PLD5: variants seen among roughly 807,000 people sequenced by gnomAD.
The protein encoded by PLD5 is phospholipase D family member 5.
PLD5 carries 36 observed loss-of-function variants against 61.1 expected under a neutral mutation model. That is an observed-to-expected ratio of 0.59 (90% confidence interval 0.45 to 0.78). PLD5 has a LOEUF of 0.78. Among genes scored for constraint, PLD5 ranks in the 30% least tolerant of loss-of-function variants. PLD5 has a pLI of 0.00. For synonymous variants in PLD5, 243 were observed against 242.8 expected, an observed-to-expected ratio of 1.00 and a Z score of -0.01; for missense variants, 515 against 644.4, an observed-to-expected ratio of 0.80 and a Z score of 2.17.
chr1:242,525,761 C>T (rs1164241680), upstream of PLD5, among the ~76,000 whole-genome samples: 2 of 152,154 alleles, frequency 1.3e-5, no homozygotes, highest in Non-Finnish European at 2.9e-5. Context: ...GTTTCAAAGA[C>T]ATTCTGGCTG....
chr1:242,421,050 C>CTAGTGGTG (rs1665111236), intron 1 of PLD5, among the ~76,000 whole-genome samples: 1 of 151,456 alleles, frequency 6.6e-6, no homozygotes, highest in African/African-American at 2.4e-5. Context: ...CGTGGTGGCA[C>CTAGTGGTG]GCGCCTGTAG....
At chr1:242,477,330 G>A (rs563214996) in intron 1 of PLD5, among the ~76,000 whole-genome samples, 86 of 152,310 alleles carry the variant, frequency 5.6e-4, no homozygotes, top group Middle Eastern at 3.4e-3. Context: ...TGTTAGCTGA[G>A]TTTTAAGAAC....
At chr1:242,513,432 G>A (rs1344363692) in intron 1 of PLD5, among the ~76,000 whole-genome samples, 9 of 152,060 alleles carry the variant, frequency 5.9e-5, no homozygotes, top group Admixed American at 5.9e-4. Context: ...GGCAGAGATA[G>A]ACAGCCAATT....
chr1:242,122,923 A>G (rs1296101159), intron 6 of PLD5, among the ~76,000 whole-genome samples: 2 of 152,260 alleles, frequency 1.3e-5, no homozygotes, highest in Non-Finnish European at 2.9e-5. Context: ...GCATAAAAGC[A>G]CCAATATCAA....
chr1:242,378,949 G>T (rs1410478941), intron 1 of PLD5, among the ~76,000 whole-genome samples: 1 of 152,122 alleles, frequency 6.6e-6, no homozygotes, highest in African/African-American at 2.4e-5. Flanking sequence ...TTCCTACTTA[G>T]GTCTCTCCCT....
intron 5 of PLD5, among the ~76,000 whole-genome samples, chr1:242,183,547 T>C: frequency 6.6e-6 from 1 of 152,208 alleles, no homozygotes; most frequent in East Asian, 1.9e-4. Context: ...CAAATTTTCT[T>C]GGATCACAGT....
At chr1:242,288,989 CAA>C (rs1236746787) in intron 2 of PLD5, among the ~76,000 whole-genome samples, 1 of 152,104 alleles carries the variant, frequency 6.6e-6, no homozygotes, top group African/African-American at 2.4e-5. Context: ...CATTGGAACT[CAA>C]TAAATGCAGT....
chr1:242,091,546 C>A (rs1294694331), intron 9 of PLD5, among the ~76,000 whole-genome samples: 1 of 152,170 alleles, frequency 6.6e-6, no homozygotes, highest in African/African-American at 2.4e-5. Flanking sequence ...TCCAGATGTC[C>A]CAATACCCAT....
At chr1:242,337,411 A>G (rs1659584302) in intron 2 of PLD5, among the ~76,000 whole-genome samples, 1 of 151,304 alleles carries the variant, frequency 6.6e-6, no homozygotes, top group African/African-American at 2.4e-5. Flanking sequence ...CGGATGGATC[A>G]TCTGAGGTCA....
rs866352812 is a variant in PLD5 at position 242,268,377 on chromosome 1, G to A, written c.496-2929C>T. ...AATTCATTTATTTTTTTAGTTAACA[G>A]AATATATTTGGCACCGATGAAACAT... On this transcript the variant is annotated intron_variant, in intron 3 of 9. Coordinates refer to ENST00000536534, the MANE Select transcript of PLD5 (RefSeq NM_001372062.1). Among the ~76,000 whole-genome samples, 66 of 152,278 alleles carry A rather than the reference G, an allele frequency of 4.3e-4. No individual in the cohort carries two copies. In the Middle Eastern group the frequency reaches 0.01, roughly 24 times the overall value.
intron 1 of PLD5, among the ~76,000 whole-genome samples, chr1:242,490,945 T>C (rs1036546573): frequency 1.3e-5 from 2 of 152,192 alleles, no homozygotes; most frequent in Admixed American, 6.5e-5. Flanking sequence ...TAACAAGGCT[T>C]AGCAGGAGCT....
intron 4 of PLD5, among the ~76,000 whole-genome samples, chr1:242,229,220 T>G (rs1222967986): frequency 6.6e-6 from 1 of 152,146 alleles, no homozygotes; most frequent in Non-Finnish European, 1.5e-5. Flanking sequence ...GGTTAAAAAA[T>G]GGAAAATAAA....
chr1:242,510,835 ACT>A (rs1283358092), intron 1 of PLD5, among the ~76,000 whole-genome samples: 1 of 150,986 alleles, frequency 6.6e-6, no homozygotes, highest in African/African-American at 2.4e-5. Flanking sequence ...ACAGAGCGAG[ACT>A]CTGTCTCAAA....
At position 242,445,467 on chromosome 1, in the gene PLD5, G is replaced by C. The variant is rs140927465; in HGVS notation, c.189+78621C>G. Reference sequence around the variant, plus strand: ...AGTGATTCTCCTGCCTCAGCCTCCCGAGTAGCTGTGATTACAGGTGCCCAC... The same window carrying C: ...AGTGATTCTCCTGCCTCAGCCTCCCCAGTAGCTGTGATTACAGGTGCCCAC... On this transcript the variant is annotated intron_variant, in intron 1 of 9. Coordinates refer to ENST00000536534, the MANE Select transcript of PLD5 (RefSeq NM_001372062.1). Among the ~76,000 whole-genome samples the C allele has an allele frequency of 1.9e-3, 285 of 152,168 alleles. 2 individuals are homozygous for C. Among genetic ancestry groups the C allele is most frequent in the African/African-American group, 6.6e-3 (274 of 41,504 alleles).
intron 2 of PLD5, among the ~76,000 whole-genome samples, chr1:242,311,883 C>T (rs1676717726): frequency 6.7e-6 from 1 of 149,956 alleles, no homozygotes; most frequent in South Asian, 2.1e-4. Context: ...TCCTTAGGCT[C>T]TGTTCATTTT....
chr1:242,409,891 TG>T (rs1449797556), intron 1 of PLD5, among the ~76,000 whole-genome samples: 3 of 152,190 alleles, frequency 2.0e-5, no homozygotes, highest in African/African-American at 7.2e-5. Flanking sequence ...TCGCCATGTT[TG>T]GGTGGACCCA....
rs375177006 is a variant in PLD5, at chr1:242,271,179, T to TACACACACACAC, written c.496-5743_496-5732dup. On this transcript the variant is annotated intron_variant, in intron 3 of 9. Coordinates refer to ENST00000536534, the MANE Select transcript of PLD5 (RefSeq NM_001372062.1). ...ATATCTCAAAGTACACATGTGCATG[T>TACACACACACAC]ACACACACACACACACACACACAGA... Among the ~76,000 whole-genome samples, 2 of 95,800 alleles carry TACACACACACAC rather than the reference T, an allele frequency of 2.1e-5. 1 individual carries two copies. The highest frequency in any genetic ancestry group is 2.4e-4 in the Admixed American group (2 of 8,382). The allele number at this position is 95,800 out of a possible 152,430, so 62.8% of individuals were successfully genotyped here.
chr1:242,110,545 C>T (rs768011505), intron 7 of PLD5, among the ~76,000 whole-genome samples: 5 of 152,138 alleles, frequency 3.3e-5, no homozygotes, highest in African/African-American at 4.8e-5. Flanking sequence ...CGCGGTGGCT[C>T]ATACCTGTAA....
At chr1:242,307,056 AT>A (rs1248464441) in intron 2 of PLD5, among the ~76,000 whole-genome samples, 1 of 152,144 alleles carries the variant, frequency 6.6e-6, no homozygotes, top group Non-Finnish European at 1.5e-5. Flanking sequence ...CTGGTGAGAG[AT>A]TTGAAAAGTC....
Sources: gnomAD v4.1 joint callset for allele counts (sites outside exome capture counted in the v4.1 genomes callset) on GRCh38, gnomAD v4.1.1 for gene constraint, MANE v1.5 for transcripts, NCBI Gene and HGNC (gene_info 2026-07-23, HGNC 2026-07-21) for gene names.